The following PBX1 variants were observed in gnomAD, a reference collection of about 807,000 sequenced individuals.
PBX1 encodes pre-B-cell leukemia transcription factor 1.
PBX1 carries 6 observed loss-of-function variants against 53.4 expected under a neutral mutation model. The observed-to-expected ratio is 0.11, with a 90% CI of 0.06 to 0.22. PBX1 has a LOEUF of 0.22. PBX1 is among the 10% of genes least tolerant of loss of function. The pLI is 1.00. For missense variants in PBX1, 251 were observed against 551.4 expected (o/e 0.46, Z 5.46); for synonymous variants, 204 against 212.3 (o/e 0.96, Z 0.34).
intron 2 of PBX1, among the ~76,000 whole-genome samples, chr1:164,615,239 AT>A (rs1310431595): frequency 6.6e-6 from 1 of 152,120 alleles, no homozygotes; most frequent in African/African-American, 2.4e-5. Flanking sequence ...GTTGGACCTC[AT>A]TTCTTTTTCT....
chr1:164,835,954 A>G (rs959727553), intron 8 of PBX1, among the ~76,000 whole-genome samples: 2 of 152,204 alleles, frequency 1.3e-5, no homozygotes, highest in Non-Finnish European at 2.9e-5. Flanking sequence ...ATAGTGCCCA[A>G]GAATTTTCTA....
chr1:164,864,417 C>T (rs1014279167), intron 2 of PBX1, among the ~76,000 whole-genome samples: 7 of 152,120 alleles, frequency 4.6e-5, no homozygotes, highest in Non-Finnish European at 7.3e-5. Flanking sequence ...CTGTTGCCCA[C>T]GGAATGAACT....
intron 2 of PBX1, among the ~76,000 whole-genome samples, chr1:164,755,441 G>A (rs1400596040): frequency 1.3e-5 from 2 of 152,136 alleles, no homozygotes; most frequent in Non-Finnish European, 2.9e-5. Context: ...GAGCCACCGC[G>A]CCCAGCCTTT....
intron 2 of PBX1, among the ~76,000 whole-genome samples, chr1:164,880,434 G>A (rs1019185682): frequency 4.6e-5 from 7 of 152,208 alleles, no homozygotes; most frequent in African/African-American, 1.7e-4. Flanking sequence ...TTATTATGAT[G>A]CATCTGGTAG....
intron 2 of PBX1, among the ~76,000 whole-genome samples, chr1:164,667,428 G>GTA (rs34691019): frequency 0.033 from 5,007 of 151,342 alleles, 120 homozygotes; most frequent in Admixed American, 0.056. Flanking sequence ...GTGTGTGTGT[G>GTA]TGTGTATATA....
intron 2 of PBX1, among the ~76,000 whole-genome samples, chr1:164,600,494 C>A (rs908166196): frequency 1.3e-5 from 2 of 152,112 alleles, no homozygotes; most frequent in Non-Finnish European, 2.9e-5. Flanking sequence ...GGTGATCTAC[C>A]CGCCTCAGCC....
At chr1:164,641,719 A>G (rs1358476504) in intron 2 of PBX1, 1 of 152,192 alleles carries the variant, frequency 6.6e-6, no homozygotes, top group Non-Finnish European at 1.5e-5. Flanking sequence ...AGAATTCCAG[A>G]TTTTATTCTA....
Position 164,626,000 on chromosome 1 carries a change from C to A in PBX1, c.265+62689C>A, listed in dbSNP as rs1368880603. On this transcript the variant is annotated intron_variant, in intron 2 of 8. Coordinates refer to ENST00000420696, the MANE Select transcript of PBX1 (RefSeq NM_002585.4). Reference sequence around the variant, plus strand: ...GGTGACTAGGATACAAAGTTCTGTTCGGCACAGAGTACTCTCCTCTGCTTC... The same window carrying A: ...GGTGACTAGGATACAAAGTTCTGTTAGGCACAGAGTACTCTCCTCTGCTTC... The A allele has an allele frequency of 2.9e-6, 3 of 1,041,000 alleles. No individual in the cohort carries two copies. In the Admixed American group the frequency reaches 1.7e-4, roughly 58 times the overall value. The allele number at this position is 1,041,000 out of a possible 1,614,324, so 64.5% of individuals were successfully genotyped here. A position where few individuals can be genotyped will look rare whatever the true frequency, so the allele number is the denominator to read the frequency against.
chr1:164,758,782 A>G (rs529222790), intron 2 of PBX1, among the ~76,000 whole-genome samples: 2 of 151,686 alleles, frequency 1.3e-5, no homozygotes, highest in African/African-American at 4.8e-5. Context: ...TTTTCCTCTC[A>G]ACTTAGTCAA....
At chr1:164,674,326 T>G (rs1364835148) in intron 2 of PBX1, among the ~76,000 whole-genome samples, 1 of 152,202 alleles carries the variant, frequency 6.6e-6, no homozygotes, top group African/African-American at 2.4e-5. Flanking sequence ...CATAGTGTCT[T>G]TGTGTTTTCA....
intron 2 of PBX1, among the ~76,000 whole-genome samples, chr1:164,608,904 G>C (rs149985815): frequency 1.2e-4 from 19 of 152,282 alleles, no homozygotes; most frequent in African/African-American, 4.3e-4. Flanking sequence ...TTCTTTCTCT[G>C]TGGCTAATTT....
intron 2 of PBX1, among the ~76,000 whole-genome samples, chr1:164,652,702 T>G (rs1248179373): frequency 1.3e-5 from 2 of 152,136 alleles, no homozygotes; most frequent in South Asian, 4.1e-4. Flanking sequence ...CTTGAAAATT[T>G]ATATACAGCA....
chr1:164,792,413 C>A, intron 2 of PBX1, 81 bp from the exon 3 acceptor site: 12 of 1,553,950 alleles, frequency 7.7e-6, no homozygotes, highest in Non-Finnish European at 1.0e-5. Flanking sequence ...GCTTATGTAG[C>A]CAAAGAACAC....
intron 6 of PBX1, chr1:164,813,608 C>G (rs1183691466): frequency 1.3e-5 from 2 of 152,148 alleles, no homozygotes; most frequent in African/African-American, 4.8e-5. Flanking sequence ...GGAAGAAGTA[C>G]AATTCTGTCA....
Position 164,848,431 on chromosome 1 carries a change from C to T in PBX1, c.*1755C>T. On this transcript the variant is annotated 3_prime_UTR_variant, in exon 9 of 9. Transcript: ENST00000420696. The stretch of plus-strand genomic sequence containing the variant: ...ACTGAGAAGTTGATTTTGTTCATAT[C>T]CAATCTGTAAATGCGAAGTCAGGGG... The T allele has an allele frequency of 9.5e-7, 1 of 1,056,044 alleles. No homozygotes were observed. Among genetic ancestry groups the T allele is most frequent in the Non-Finnish European group, 1.1e-6 (1 of 873,442 alleles). 65.4% of individuals were successfully genotyped at this position (1,056,044 alleles called of 1,614,324 possible).
chr1:164,751,919 C>A (rs1380949328), intron 2 of PBX1, among the ~76,000 whole-genome samples: 5 of 152,090 alleles, frequency 3.3e-5, no homozygotes, highest in East Asian at 3.9e-4. Context: ...TTAAAAAATT[C>A]TTTAGTCTCA....
intron 2 of PBX1, among the ~76,000 whole-genome samples, chr1:164,712,008 C>G (rs1210005227): frequency 7.0e-6 from 1 of 143,356 alleles, no homozygotes; most frequent in African/African-American, 2.5e-5. Flanking sequence ...TTTGTGTGCC[C>G]CCCCACCTCA....
intron 2 of PBX1, among the ~76,000 whole-genome samples, chr1:164,605,596 C>T (rs1040736089): frequency 2.6e-5 from 4 of 152,090 alleles, no homozygotes; most frequent in East Asian, 1.9e-4. Context: ...ATTGAAACTC[C>T]AGTGTTTAGA....
intron 2 of PBX1, among the ~76,000 whole-genome samples, chr1:164,756,472 T>G (rs1321452009): frequency 6.6e-6 from 1 of 152,230 alleles, no homozygotes; most frequent in Non-Finnish European, 1.5e-5. Context: ...ATGCTTATAA[T>G]CATATTTATA....
Sources: gnomAD v4.1 joint callset for allele counts (sites outside exome capture counted in the v4.1 genomes callset) on GRCh38, gnomAD v4.1.1 for gene constraint, MANE v1.5 for transcripts, NCBI Gene and HGNC (gene_info 2026-07-23, HGNC 2026-07-21) for gene names.